Variants in AP3B1 observed in about 807,000 individuals in gnomAD.
The protein encoded by AP3B1 is adaptor related protein complex 3 subunit beta 1, also known as AP-3 complex subunit beta-1.
A neutral mutation model predicts 132.5 loss-of-function variants in AP3B1; 61 were observed. The observed-to-expected ratio is 0.46, with a 90% CI of 0.37 to 0.57. The LOEUF (loss-of-function observed/expected upper bound fraction) is 0.57. Among genes scored for constraint, AP3B1 ranks in the 20% least tolerant of loss-of-function variants. The probability of loss-of-function intolerance (pLI) is 0.00; values close to 1 mark genes in which losing one functional copy is unlikely to be tolerated. For missense variants in AP3B1, 1,120 were observed against 1,289.4 expected, an observed-to-expected ratio of 0.87 and a Z score of 2.01; for synonymous variants, 388 against 438.3, an observed-to-expected ratio of 0.89 and a Z score of 1.43.
downstream of AP3B1, chr5:78,001,214 T>C (rs1746195477): frequency 6.6e-6 from 1 of 152,224 alleles, no homozygotes; most frequent in African/African-American, 2.4e-5. Context: ...GGATATAATT[T>C]TTTTTTCTTC....
chr5:78,034,629 G>C (rs995795561), intron 23 of AP3B1, among the ~76,000 whole-genome samples, 184 bp from the exon 24 acceptor site: 3 of 151,858 alleles, frequency 2.0e-5, no homozygotes, highest in Non-Finnish European at 4.4e-5. Flanking sequence ...CTGTTTCAAG[G>C]TTTTCTTTTT....
At chr5:78,279,128 C>T (rs1748928794) in intron 1 of AP3B1, among the ~76,000 whole-genome samples, 1 of 151,994 alleles carries the variant, frequency 6.6e-6, no homozygotes, top group South Asian at 2.1e-4. Flanking sequence ...TATATATGAT[C>T]GTTTAATTTT....
chr5:78,231,056 G>A (rs574025091), intron 3 of AP3B1, among the ~76,000 whole-genome samples: 6 of 151,988 alleles, frequency 3.9e-5, no homozygotes, highest in African/African-American at 1.4e-4. Flanking sequence ...GGAGGCAGAG[G>A]TTGCAGCAAG....
intron 13 of AP3B1, among the ~76,000 whole-genome samples, chr5:78,159,931 C>G (rs1201487189): frequency 6.6e-6 from 1 of 152,080 alleles, no homozygotes; most frequent in Admixed American, 6.5e-5. Context: ...CTTAATGGAC[C>G]TAACTTTAAA....
intron 7 of AP3B1, among the ~76,000 whole-genome samples, chr5:78,196,403 C>T (rs1207630421): frequency 2.6e-5 from 4 of 152,158 alleles, no homozygotes; most frequent in Non-Finnish European, 5.9e-5. Context: ...GTGACAGGAA[C>T]TCTCATTCAT....
At chr5:78,224,980 C>T (rs1235201805) in intron 6 of AP3B1, among the ~76,000 whole-genome samples, 1 of 152,018 alleles carries the variant, frequency 6.6e-6, no homozygotes, top group Admixed American at 6.6e-5. Context: ...CTCCACTCAA[C>T]AACAGCAGAA....
chr5:78,181,645 G>A lies in AP3B1; in HGVS notation c.804C>T (p.Asp268=), dbSNP rs1445508169. 1 of 1,611,668 alleles carries A rather than the reference G, an allele frequency of 6.2e-7. No individual in the cohort carries two copies. The highest frequency in any genetic ancestry group is 2.2e-5 in the East Asian group (1 of 44,754). The part of the protein sequence containing the change: ...SPWKEGDELE[D]NGKNFYESDD... The stretch of plus-strand genomic sequence containing the variant: ...CAGATTCGTAGAAATTCTTTCCATT[G>A]TCTTCTAATTCATCACCCTACAATG... The change falls in exon 8 of 27, where the codon GAC becomes GAT. Residue 268 remains aspartate (D), a synonymous_variant. Transcript: ENST00000255194.
chr5:78,053,337 C>T (rs1485399199), intron 22 of AP3B1, among the ~76,000 whole-genome samples: 1 of 151,930 alleles, frequency 6.6e-6, no homozygotes, highest in Non-Finnish European at 1.5e-5. Context: ...CAAATTACAA[C>T]AGCATTATAT....
chr5:78,234,482 G>T (rs12516587), intron 3 of AP3B1, among the ~76,000 whole-genome samples: 2 of 152,010 alleles, frequency 1.3e-5, no homozygotes, highest in Non-Finnish European at 2.9e-5. Flanking sequence ...TAGATTTAAA[G>T]TTCCTAAGAA....
chr5:78,119,392 A>G (rs1471812681), intron 17 of AP3B1, among the ~76,000 whole-genome samples: 1 of 152,172 alleles, frequency 6.6e-6, no homozygotes, highest in Non-Finnish European at 1.5e-5. Flanking sequence ...AAACTACTCC[A>G]AGCTACAGGA....
At chr5:78,289,282 A>G (rs1749411791) in intron 1 of AP3B1, among the ~76,000 whole-genome samples, 1 of 152,248 alleles carries the variant, frequency 6.6e-6, no homozygotes, top group Non-Finnish European at 1.5e-5. Flanking sequence ...AATCACTGAT[A>G]TTAAAGGTTA....
chr5:78,118,924 C>A (rs559494872), intron 17 of AP3B1, among the ~76,000 whole-genome samples: 2 of 152,348 alleles, frequency 1.3e-5, no homozygotes, highest in South Asian at 2.1e-4. Context: ...AGGCACCCCC[C>A]AGTAGGGGTA....
intron 26 of AP3B1, among the ~76,000 whole-genome samples, chr5:78,014,943 G>T (rs539742243): frequency 6.6e-6 from 1 of 152,214 alleles, no homozygotes; most frequent in Admixed American, 6.5e-5. Context: ...CCCCATGTTG[G>T]TCATCTAGCA....
intron 21 of AP3B1, among the ~76,000 whole-genome samples, chr5:78,100,119 TTCTC>T (rs1235044050): frequency 1.3e-5 from 2 of 152,044 alleles, no homozygotes; most frequent in African/African-American, 4.8e-5. Flanking sequence ...TCTCTGTTAT[TTCTC>T]TCTATTATAT....
intron 16 of AP3B1, among the ~76,000 whole-genome samples, chr5:78,128,897 C>T (rs1041756559): frequency 4.6e-5 from 7 of 151,838 alleles, no homozygotes; most frequent in East Asian, 1.9e-4. Context: ...AAAGTCAGAA[C>T]GCTTAAAATT....
At chr5:78,098,500 T>C (rs1750995550) in intron 21 of AP3B1, among the ~76,000 whole-genome samples, 1 of 152,206 alleles carries the variant, frequency 6.6e-6, no homozygotes, top group African/African-American at 2.4e-5. Context: ...CCCTTTTAAA[T>C]GTACTTTACT....
intron 15 of AP3B1, among the ~76,000 whole-genome samples, chr5:78,139,981 C>A (rs1753076758): frequency 6.6e-6 from 1 of 151,946 alleles, no homozygotes; most frequent in South Asian, 2.1e-4. Flanking sequence ...AAGTAAGAGT[C>A]AGAGGAAAAG....
At chr5:78,069,607 C>T (rs1179455419) in intron 22 of AP3B1, among the ~76,000 whole-genome samples, 1 of 152,104 alleles carries the variant, frequency 6.6e-6, no homozygotes, top group Non-Finnish European at 1.5e-5. Context: ...AGAGAGGACA[C>T]AAACAAATGG....
intron 22 of AP3B1, among the ~76,000 whole-genome samples, chr5:78,039,774 T>C (rs1413666489): frequency 8.1e-6 from 1 of 123,054 alleles, no homozygotes; most frequent in African/African-American, 3.3e-5. Context: ...CGAGACTCCG[T>C]CTCAAAAAAA....
Sources: gnomAD v4.1 joint callset for allele counts (sites outside exome capture counted in the v4.1 genomes callset) on GRCh38, gnomAD v4.1.1 for gene constraint, MANE v1.5 for transcripts, NCBI Gene and HGNC (gene_info 2026-07-23, HGNC 2026-07-21) for gene names.